Variants in YARS2 observed in about 807,000 individuals in gnomAD.
The protein encoded by YARS2 is tyrosine--tRNA ligase, mitochondrial.
In YARS2, 38 loss-of-function variants were observed where a neutral mutation model predicts 45.0. That is an observed-to-expected ratio of 0.84 (90% CI 0.65 to 1.11). The LOEUF is 1.11. Among genes scored for constraint, YARS2 ranks in the 50% least tolerant of loss-of-function variants. The probability of loss-of-function intolerance (pLI) is 0.00; values close to 1 mark genes in which losing one functional copy is unlikely to be tolerated. For missense variants in YARS2, 602 were observed against 599.8 expected (o/e 1.00, Z -0.04); for synonymous variants, 287 against 245.1 (o/e 1.17, Z -1.60).
chr12:32,750,488 A>C (rs959424436), intron 3 of YARS2, among the ~76,000 whole-genome samples: 18 of 152,234 alleles, frequency 1.2e-4, no homozygotes, highest in African/African-American at 4.1e-4. Flanking sequence ...GGCGTGAGCC[A>C]CCGCGCCCGG....
intron 2 of YARS2, among the ~76,000 whole-genome samples, chr12:32,751,236 T>A (rs532788986): frequency 8.3e-4 from 126 of 151,940 alleles, no homozygotes; most frequent in Admixed American, 2.1e-3. Flanking sequence ...CTGGCTAATT[T>A]TTATATTTTT....
chr12:32,755,321 A>C lies in YARS2; in HGVS notation c.554T>G (p.Phe185Cys), dbSNP rs1315014328. 1 of 1,614,096 alleles carries C rather than the reference A, an allele frequency of 6.2e-7. No homozygotes were observed. The highest frequency in any genetic ancestry group is 1.1e-5 in the South Asian group (1 of 91,078). Residue 185 changes from phenylalanine (F) to cysteine (C), a missense_variant, in exon 1 of 5, where the codon TTC (phenylalanine) becomes TGC (cysteine). Coordinates refer to ENST00000324868, the MANE Select transcript of YARS2 (RefSeq NM_001040436.3). ...GAAGTGACCCCCCACTGCCGCCAGGAAGTCCACCAGGTGCTGCTTCTGGTA... is the reference window on the plus strand; with the variant it reads ...GAAGTGACCCCCCACTGCCGCCAGGCAGTCCACCAGGTGCTGCTTCTGGTA... ...AWYQKQHLVD[F>C]LAAVGGHFRM...
chr12:32,755,770 A>C lies in YARS2; in HGVS notation c.105T>G (p.Ala35=), dbSNP rs757286527. 6.2e-7 allele frequency: 1 copy of C among 1,613,810 alleles called. No homozygotes were observed. Among genetic ancestry groups the C allele is most frequent in the African/African-American group, 1.3e-5 (1 of 74,938 alleles). The change falls in exon 1 of 5, where the codon GCT becomes GCG. Residue 35 remains alanine, a synonymous_variant. Transcript: ENST00000324868. ...CCTTCTGCGCTGCCAGTAACCCCTG[A>C]GCGCCCGAGTGGGCCTTACGCAGCC... ...PLGLRKAHSG[A]QGLLAAQKAR...
intron 4 of YARS2, among the ~76,000 whole-genome samples, chr12:32,747,836 G>A (rs1014427911): frequency 1.3e-4 from 19 of 151,928 alleles, no homozygotes; most frequent in Admixed American, 1.2e-3. Context: ...GTGTCTGGCC[G>A]GAATTTACGC....
At chr12:32,751,118 G>A (rs1485311888) in intron 2 of YARS2, among the ~76,000 whole-genome samples, 1 of 150,068 alleles carries the variant, frequency 6.7e-6, no homozygotes, top group African/African-American at 2.5e-5. Flanking sequence ...CCAGGCTGGA[G>A]TGCAGTGGCA....
At position 32,747,359 on chromosome 12, in the gene YARS2, G is replaced by A. The variant is rs774056696; in HGVS notation, c.1279C>T (p.Arg427Ter). Residue 427 changes from arginine (R) to a stop codon, truncating the protein, a stop_gained, in exon 5 of 5, where the codon CGA (arginine) becomes TGA (stop). Coordinates refer to ENST00000324868, the MANE Select transcript of YARS2 (RefSeq NM_001040436.3). LOFTEE classifies it high-confidence loss of function. Reference sequence around the variant, plus strand: ...CTGACTCCGCCTTCTGTTATCATTCGATACCTAAAAAATAGAAACGTTTAG... The same window carrying A: ...CTGACTCCGCCTTCTGTTATCATTCAATACCTAAAAAATAGAAACGTTTAG... The part of the protein sequence containing the change: ...NAIPDGPRGY[R>*]MITEGGVSIN... The A allele has an allele frequency of 8.1e-6, 13 of 1,613,628 alleles. No homozygotes were observed. Among genetic ancestry groups the A allele is most frequent in the Non-Finnish European group, 1.0e-5 (12 of 1,179,954 alleles).
At chr12:32,747,422 A>T in intron 4 of YARS2, 59 bp from the exon 5 acceptor site, 1 of 1,562,588 alleles carries the variant, frequency 6.4e-7, no homozygotes, top group South Asian at 1.1e-5. Flanking sequence ...TCTGTCCCCC[A>T]AAAAAGACTG....
rs372944014 is a variant in YARS2 at position 32,748,776 on chromosome 12, G to A, written c.1274+1161C>T. 2.0e-5 allele frequency among the ~76,000 whole-genome samples: 3 copies of A among 151,932 alleles called. No homozygotes were observed. The East Asian group carries it at 5.8e-4, about 29-fold the overall frequency. Reference sequence around the variant, plus strand: ...ATAGTCTAGGACTCTTTAGGACACAGGCAAACAATCCAAGACAGTTGAAAG... The same window carrying A: ...ATAGTCTAGGACTCTTTAGGACACAAGCAAACAATCCAAGACAGTTGAAAG... On this transcript the variant is annotated intron_variant, in intron 4 of 4. Coordinates refer to ENST00000324868, the MANE Select transcript of YARS2 (RefSeq NM_001040436.3).
At position 32,746,869 on chromosome 12, in the gene YARS2, G is replaced by A. The variant is rs1955647799; in HGVS notation, c.*335C>T. ...TTCCTTACACTACCTCTTTTTCATT[G>A]TTCCTCATCACTACAAAAAGGAGAG... On this transcript the variant is annotated 3_prime_UTR_variant, in exon 5 of 5. Transcript: ENST00000324868. 1 of 269,058 alleles carries A rather than the reference G, an allele frequency of 3.7e-6. No individual in the cohort carries two copies. The highest frequency in any genetic ancestry group is 2.3e-5 in the African/African-American group (1 of 43,400). The allele number at this position is 269,058 out of a possible 1,614,324, so 16.7% of individuals were successfully genotyped here.
intron 4 of YARS2, among the ~76,000 whole-genome samples, chr12:32,749,219 C>T (rs769039135): frequency 3.9e-5 from 6 of 152,166 alleles, no homozygotes; most frequent in East Asian, 1.9e-4. Flanking sequence ...TTCCCATCCC[C>T]GAATATAAAA....
rs372547777 is a variant in YARS2 at position 32,755,403 on chromosome 12, G to A, written c.472C>T (p.Leu158Phe). The change falls in exon 1 of 5, where the codon CTT becomes TTT. Residue 158 changes from leucine (L) to phenylalanine (F), a missense_variant. Physicochemically the swap from Leu to Phe is conservative, Grantham distance 22. Transcript: ENST00000324868. ...LEALAANHQQ[L>F]FTDGRSWGSF... ...CCCCAGGAGCGCCCATCAGTGAAAA[G>A]CTGCTGGTGATTAGCCGCCAGGGCC... 3 of 1,613,828 alleles carry A rather than the reference G, an allele frequency of 1.9e-6. No individual in the cohort carries two copies. The highest frequency in any genetic ancestry group is 2.5e-6 in the Non-Finnish European group (3 of 1,180,026).
intron 2 of YARS2, chr12:32,752,801 T>C (rs1418685868): frequency 8.8e-6 from 3 of 340,156 alleles, no homozygotes; most frequent in Non-Finnish European, 5.8e-6. Context: ...ACCCCAGGAC[T>C]ATATCGTCAA....
intron 2 of YARS2, among the ~76,000 whole-genome samples, chr12:32,751,136 G>A (rs1955736617): frequency 1.3e-5 from 2 of 149,742 alleles, no homozygotes; most frequent in East Asian, 2.0e-4. Flanking sequence ...GCATGATCAT[G>A]GCTCACTGTA....
At chr12:32,749,573 G>C (rs1955699509) in intron 4 of YARS2, among the ~76,000 whole-genome samples, 1 of 152,110 alleles carries the variant, frequency 6.6e-6, no homozygotes, top group Non-Finnish European at 1.5e-5. Context: ...CACATGCTGT[G>C]AACTGTAACA....
At chr12:32,752,909 G>C (rs1819833977) in intron 2 of YARS2, 1 of 279,428 alleles carries the variant, frequency 3.6e-6, no homozygotes, top group African/African-American at 2.2e-5. Context: ...AAACATCTTG[G>C]CCAATCTTAG....
chr12:32,751,480 T>C (rs10844340), intron 2 of YARS2, among the ~76,000 whole-genome samples: 28,267 of 152,106 alleles, frequency 0.19, 3,130 homozygotes, highest in African/African-American at 0.32. Context: ...TGCTGCCATC[T>C]TTCCCAAGCA....
chr12:32,753,750 T>G (rs1955791584), intron 2 of YARS2, among the ~76,000 whole-genome samples, 168 bp downstream of exon 2: 1 of 152,244 alleles, frequency 6.6e-6, no homozygotes, highest in South Asian at 2.1e-4. Context: ...ACAAAGTGTT[T>G]AACTTTAGAA....
chr12:32,755,211 G>A lies in YARS2; in HGVS notation c.664C>T (p.Gln222Ter). 2 of 1,614,156 alleles carry A rather than the reference G, an allele frequency of 1.2e-6. No homozygotes were observed. Among genetic ancestry groups the A allele is most frequent in the Non-Finnish European group, 1.7e-6 (2 of 1,180,040 alleles). ...EGMSLAEFFYQVLQAYDFYYL... is the reference protein window; with the variant it reads ...EGMSLAEFFY Reference sequence around the variant, plus strand: ...TAGAAGTCATAGGCCTGGAGCACCTGGTAAAAGAACTCGGCCAAGCTCATG... The same window carrying A: ...TAGAAGTCATAGGCCTGGAGCACCTAGTAAAAGAACTCGGCCAAGCTCATG... The change falls in exon 1 of 5, where the codon CAG becomes TAG. Residue 222 changes from glutamine (Q) to a stop codon, truncating the protein, a stop_gained. Coordinates refer to ENST00000324868, the MANE Select transcript of YARS2 (RefSeq NM_001040436.3). LOFTEE classifies it high-confidence loss of function.
intron 4 of YARS2, among the ~76,000 whole-genome samples, chr12:32,749,142 T>A (rs1366830988): frequency 2.6e-5 from 4 of 152,218 alleles, no homozygotes; most frequent in African/African-American, 9.6e-5. Flanking sequence ...TACTTGCGGT[T>A]TTGGCCATTA....
Sources: gnomAD v4.1 joint callset for allele counts (sites outside exome capture counted in the v4.1 genomes callset) on GRCh38, gnomAD v4.1.1 for gene constraint, MANE v1.5 for transcripts, NCBI Gene and HGNC (gene_info 2026-07-23, HGNC 2026-07-21) for gene names.